Variants in ADARB1 observed in about 807,000 individuals in gnomAD.
ADARB1 encodes the protein adenosine deaminase RNA specific B1, also known as double-stranded RNA-specific editase 1.
ADARB1 carries 10 observed loss-of-function variants against 52.4 expected under a neutral mutation model. The ratio of observed to expected loss-of-function variants is 0.19; its 90% confidence interval spans 0.12 to 0.32. The LOEUF (loss-of-function observed/expected upper bound fraction) is 0.32. Among genes scored for constraint, ADARB1 ranks in the 10% least tolerant of loss-of-function variants. ADARB1 has a pLI of 1.00. For synonymous variants in ADARB1, 349 were observed against 371.1 expected (o/e 0.94, Z 0.68); for missense variants, 643 against 922.3 (o/e 0.70, Z 3.92).
intron 2 of ADARB1, chr21:45,144,906 A>G (rs1400641667): frequency 4.6e-6 from 1 of 215,184 alleles, no homozygotes; most frequent in Non-Finnish European, 9.6e-6. Context: ...TTTACTGTGC[A>G]TTGGGCTGTG....
At chr21:45,113,788 C>T (rs1316649813) in intron 1 of ADARB1, among the ~76,000 whole-genome samples, 1 of 152,080 alleles carries the variant, frequency 6.6e-6, no homozygotes, top group Admixed American at 6.5e-5. Flanking sequence ...AGCTGCAGCC[C>T]AGTGACCCCT....
chr21:45,168,565 C>T (rs999651993), intron 2 of ADARB1, among the ~76,000 whole-genome samples: 10 of 152,194 alleles, frequency 6.6e-5, no homozygotes, highest in Admixed American at 1.3e-4. Flanking sequence ...TGCCTCTTCA[C>T]GAAATTGCTT....
chr21:45,145,567 C>T (rs1427861458), intron 2 of ADARB1: 2 of 152,242 alleles, frequency 1.3e-5, no homozygotes, highest in African/African-American at 4.8e-5. Context: ...CCAGTCTCTC[C>T]CTGTGTCTGT....
Position 45,222,864 on chromosome 21 carries a change from G to A in ADARB1, c.*667G>A, listed in dbSNP as rs546988638. On this transcript the variant is annotated 3_prime_UTR_variant, in exon 11 of 11. Transcript: ENST00000348831. ...GGCCCTGTCATGCACATGGGGTCCC[G>A]CAGCAGTGACTGTGTGTCCTGCAGA... 1.4e-4 allele frequency: 141 copies of A among 985,478 alleles called. 1 individual carries two copies. The South Asian group carries it at 5.1e-3, about 36-fold the overall frequency. 61.0% of individuals were successfully genotyped at this position (985,478 alleles called of 1,614,324 possible).
chr21:45,132,806 A>T (rs2089036195), intron 2 of ADARB1, among the ~76,000 whole-genome samples: 1 of 152,244 alleles, frequency 6.6e-6, no homozygotes, highest in South Asian at 2.1e-4. Flanking sequence ...AAAGTTCAGG[A>T]GAGTAAGATG....
chr21:45,149,829 C>T (rs987812534), intron 2 of ADARB1, among the ~76,000 whole-genome samples: 11 of 152,234 alleles, frequency 7.2e-5, no homozygotes, highest in Non-Finnish European at 1.5e-4. Flanking sequence ...TAGCGCACAG[C>T]GGCCTACATC....
chr21:45,129,103 C>G (rs879870846), intron 2 of ADARB1, among the ~76,000 whole-genome samples: 2 of 152,080 alleles, frequency 1.3e-5, no homozygotes, highest in Non-Finnish European at 2.9e-5. Flanking sequence ...TGATGGTGCA[C>G]GCTTGTAGTC....
At chr21:45,166,164 G>T (rs1601720004) in intron 2 of ADARB1, among the ~76,000 whole-genome samples, 1 of 152,112 alleles carries the variant, frequency 6.6e-6, no homozygotes, top group South Asian at 2.1e-4. Context: ...GGGTAGGTAT[G>T]CTCATTGTCC....
intron 1 of ADARB1, among the ~76,000 whole-genome samples, chr21:45,106,482 A>C (rs1371416359): frequency 1.3e-5 from 2 of 152,106 alleles, no homozygotes; most frequent in Non-Finnish European, 2.9e-5. Context: ...CTTAGCCGTG[A>C]GTCTGTGCTT....
chr21:45,177,433 A>AT (rs1489156484), intron 4 of ADARB1: 1 of 152,228 alleles, frequency 6.6e-6, no homozygotes, highest in Non-Finnish European at 1.5e-5. Flanking sequence ...AAGGAAGGGG[A>AT]AGTTCCAGGG....
intron 2 of ADARB1, among the ~76,000 whole-genome samples, chr21:45,155,323 A>T (rs1042424291): frequency 6.6e-6 from 1 of 152,100 alleles, no homozygotes; most frequent in Non-Finnish European, 1.5e-5. Flanking sequence ...CCCTTCACAG[A>T]GTGAGCAGAG....
chr21:45,212,202 T>C (rs1222156974), intron 9 of ADARB1, among the ~76,000 whole-genome samples: 3 of 152,204 alleles, frequency 2.0e-5, no homozygotes, highest in African/African-American at 4.8e-5. Flanking sequence ...TTATGAAAGA[T>C]TCAATTCCAT....
chr21:45,101,463 CAG>C (rs1195639524), intron 1 of ADARB1, among the ~76,000 whole-genome samples: 2 of 152,238 alleles, frequency 1.3e-5, no homozygotes, highest in East Asian at 1.9e-4. Flanking sequence ...AGTGCGTGCA[CAG>C]AGTTTTTGTT....
At chr21:45,183,241 A>G in intron 6 of ADARB1, 121 bp from the exon 7 acceptor site, 1 of 965,240 alleles carries the variant, frequency 1.0e-6, no homozygotes, top group Non-Finnish European at 1.5e-6. Context: ...AACATGTAAA[A>G]TAAATATTCC....
At chr21:45,085,005 G>C (rs113336043) in intron 1 of ADARB1, among the ~76,000 whole-genome samples, 2,104 of 152,306 alleles carry the variant, frequency 0.014, 17 homozygotes, top group Non-Finnish European at 0.02. Flanking sequence ...CGGGCTTCTG[G>C]AGTCAGACAC....
chr21:45,123,608 T>A (rs559898758), intron 1 of ADARB1, among the ~76,000 whole-genome samples: 2 of 152,160 alleles, frequency 1.3e-5, no homozygotes, highest in East Asian at 3.9e-4. Context: ...CTGGCCTTTT[T>A]GTTTGTTTTT....
rs374678411 is a variant in ADARB1 at position 45,141,183 on chromosome 21, G to A, written c.-48+12610G>A. Among the ~76,000 whole-genome samples the A allele has an allele frequency of 3.3e-5, 5 of 152,262 alleles. No homozygotes were observed. In the East Asian group the frequency reaches 7.7e-4, roughly 24 times the overall value. On this transcript the variant is annotated intron_variant, in intron 2 of 10. Transcript: ENST00000348831. ...TGCACTCCAGCCTGGGCGACAGAGCGAGACCCTGTCTCAAAAAAAAAAGTT... is the reference window on the plus strand; with the variant it reads ...TGCACTCCAGCCTGGGCGACAGAGCAAGACCCTGTCTCAAAAAAAAAAGTT...
At chr21:45,092,004 A>G (rs1373858453) in intron 1 of ADARB1, among the ~76,000 whole-genome samples, 2 of 152,238 alleles carry the variant, frequency 1.3e-5, no homozygotes, top group East Asian at 1.9e-4. Context: ...TTTATTTGGA[A>G]CAATTTAAAA....
Position 45,204,708 on chromosome 21 carries a change from C to A in ADARB1, c.1719C>A (p.Leu573=), listed in dbSNP as rs141463450. 1 of 1,614,166 alleles carries A rather than the reference C, an allele frequency of 6.2e-7. No homozygotes were observed. The highest frequency in any genetic ancestry group is 8.5e-7 in the Non-Finnish European group (1 of 1,180,016). ...CCAACATAGAGGACCTGCCACCTCT[C>A]TACACCCTCAACAAGCCTTTGCTCA... The part of the protein sequence containing the change: ...RISNIEDLPP[L]YTLNKPLLSG... Residue 573 remains leucine, a synonymous_variant, in exon 9 of 11, where the codon CTC becomes CTA. Coordinates refer to ENST00000348831, the MANE Select transcript of ADARB1 (RefSeq NM_001112.4). This position sits in a 1 kb window ranked among gnomAD's most constrained non-coding sequence, Gnocchi z 4.4.
Sources: gnomAD v4.1 joint callset for allele counts (sites outside exome capture counted in the v4.1 genomes callset) on GRCh38, gnomAD v4.1.1 for gene constraint, Gnocchi (gnomAD v3.1) non-coding constraint, MANE v1.5 for transcripts, NCBI Gene and HGNC (gene_info 2026-07-23, HGNC 2026-07-21) for gene names.